Variants in ACBD7 observed in about 807,000 individuals in gnomAD.
The protein encoded by ACBD7 is acyl-CoA binding domain containing 7.
A neutral mutation model predicts 13.7 loss-of-function variants in ACBD7; 11 were observed. The observed-to-expected ratio is 0.80, with a 90% confidence interval of 0.50 to 1.33. The LOEUF is 1.33. Ranked by LOEUF, ACBD7 falls within the 40% of genes most tolerant of loss-of-function variation. The pLI, the probability that ACBD7 is intolerant of heterozygous loss-of-function variation, is 0.00. For missense variants in ACBD7, 111 were observed against 103.0 expected (o/e 1.08, Z -0.33); for synonymous variants, 43 against 37.7 (o/e 1.14, Z -0.51).
intron 1 of ACBD7, among the ~76,000 whole-genome samples, chr10:15,081,960 G>A (rs1008350874): frequency 2.6e-5 from 4 of 152,174 alleles, no homozygotes. Context: ...GAGCCAGACT[G>A]CCTTGATTGG....
intron 1 of ACBD7, 82 bp downstream of exon 1, chr10:15,088,635 G>A: frequency 1.9e-6 from 3 of 1,541,978 alleles, no homozygotes; most frequent in Admixed American, 1.9e-5. Flanking sequence ...GCTCCCAGGG[G>A]CGCCAAGCCC....
intron 1 of ACBD7, among the ~76,000 whole-genome samples, chr10:15,081,206 T>G (rs999960599): frequency 6.9e-6 from 1 of 145,474 alleles, no homozygotes; most frequent in Non-Finnish European, 1.5e-5. Flanking sequence ...AAAGAGCAAG[T>G]GCCCTCATAC....
chr10:15,083,749 C>G (rs909790966), intron 1 of ACBD7, among the ~76,000 whole-genome samples: 2 of 152,228 alleles, frequency 1.3e-5, no homozygotes, highest in Non-Finnish European at 2.9e-5. Context: ...TCCCAAAGTG[C>G]TGGGATTACA....
intron 1 of ACBD7, among the ~76,000 whole-genome samples, chr10:15,086,337 T>C (rs544444116): frequency 3.0e-4 from 46 of 151,994 alleles, no homozygotes; most frequent in African/African-American, 1.1e-3. Context: ...TCCCCCAATA[T>C]TGTTGACACG....
At chr10:15,083,429 C>T (rs1844772220) in intron 1 of ACBD7, among the ~76,000 whole-genome samples, 1 of 152,290 alleles carries the variant, frequency 6.6e-6, no homozygotes, top group Admixed American at 6.5e-5. Context: ...GATGCAGCTT[C>T]GGCCACAAAA....
chr10:15,088,758 T>C lies in ACBD7; in HGVS notation c.-30A>G. ...GCGGCTGCCGCGTTGTTGCTGCTGCTGTTGTCGTCCGGTGCTCTGCCCCCT... is the reference window on the plus strand; with the variant it reads ...GCGGCTGCCGCGTTGTTGCTGCTGCCGTTGTCGTCCGGTGCTCTGCCCCCT... On this transcript the variant is annotated 5_prime_UTR_variant, in exon 1 of 4. Transcript: ENST00000356189. 6.3e-7 allele frequency: 1 copy of C among 1,598,220 alleles called. No homozygotes were observed. The highest frequency in any genetic ancestry group is 1.1e-5 in the South Asian group (1 of 89,588).
chr10:15,080,285 T>A (rs1844735039), intron 1 of ACBD7, among the ~76,000 whole-genome samples: 1 of 152,150 alleles, frequency 6.6e-6, no homozygotes, highest in South Asian at 2.1e-4. Context: ...AAACTCTATA[T>A]ACAATGTACT....
At chr10:15,088,402 G>A (rs1844833407) in intron 1 of ACBD7, 1 of 485,812 alleles carries the variant, frequency 2.1e-6, no homozygotes, top group South Asian at 2.8e-5. Context: ...CGAAGGGGCG[G>A]GAGCGGGGGA....
chr10:15,076,615 G>A lies in ACBD7; in HGVS notation c.*1915C>T, dbSNP rs981112397. 1 of 631,826 alleles carries A rather than the reference G, an allele frequency of 1.6e-6. No homozygotes were observed. The highest frequency in any genetic ancestry group is 2.0e-5 in the African/African-American group (1 of 49,734). The allele number at this position is 631,826 out of a possible 1,614,324, so 39.1% of individuals were successfully genotyped here. On this transcript the variant is annotated 3_prime_UTR_variant, in exon 4 of 4. Coordinates refer to ENST00000356189, the MANE Select transcript of ACBD7 (RefSeq NM_001039844.3). ...TCTCCTGGGTAAAAGCAATTCTCCT[G>A]CCTCAGCCTCCCAAGTAGCTGGAAT...
At chr10:15,088,010 AG>A (rs1337836484) in intron 1 of ACBD7, among the ~76,000 whole-genome samples, 3 of 152,292 alleles carry the variant, frequency 2.0e-5, no homozygotes, top group Non-Finnish European at 4.4e-5. Flanking sequence ...GTCTCAAAAA[AG>A]AAAAATAAAA....
chr10:15,087,937 G>T (rs562964225), intron 1 of ACBD7, among the ~76,000 whole-genome samples: 72 of 152,116 alleles, frequency 4.7e-4, no homozygotes, highest in Non-Finnish European at 8.8e-4. Flanking sequence ...GCAGTGAGCA[G>T]AGGTTGCAGT....
chr10:15,078,444 G>T lies in ACBD7; in HGVS notation c.*86C>A. 1 of 1,604,238 alleles carries T rather than the reference G, an allele frequency of 6.2e-7. No homozygotes were observed. Among genetic ancestry groups the T allele is most frequent in the South Asian group, 1.1e-5 (1 of 90,464 alleles). ...AGCAAAAATATACATGATACATCAAGTTAACAGTATGCCTCTCCCTCTAAA... is the reference window on the plus strand; with the variant it reads ...AGCAAAAATATACATGATACATCAATTTAACAGTATGCCTCTCCCTCTAAA... On this transcript the variant is annotated 3_prime_UTR_variant, in exon 4 of 4. Transcript: ENST00000356189.
chr10:15,081,750 G>A (rs1207078757), intron 1 of ACBD7, among the ~76,000 whole-genome samples: 2 of 152,208 alleles, frequency 1.3e-5, no homozygotes, highest in African/African-American at 2.4e-5. Flanking sequence ...GTTGTTTTGT[G>A]AAGAGCACAA....
intron 1 of ACBD7, among the ~76,000 whole-genome samples, chr10:15,084,074 T>C (rs1844780756): frequency 6.6e-6 from 1 of 152,110 alleles, no homozygotes; most frequent in African/African-American, 2.4e-5. Context: ...AAGCCATCCC[T>C]GAGATGAGAT....
intron 1 of ACBD7, chr10:15,088,264 C>T (rs956859390): frequency 5.3e-5 from 9 of 168,428 alleles, no homozygotes; most frequent in Non-Finnish European, 8.8e-5. Flanking sequence ...TATTTGTTGT[C>T]TTTTCCAAAG....
chr10:15,081,198 A>T (rs944657465), intron 1 of ACBD7, among the ~76,000 whole-genome samples: 8 of 151,872 alleles, frequency 5.3e-5, no homozygotes, highest in African/African-American at 1.9e-4. Flanking sequence ...AAAAGCAGAA[A>T]GAGCAAGTGC....
chr10:15,085,513 T>C (rs537613214), intron 1 of ACBD7, among the ~76,000 whole-genome samples: 1 of 152,230 alleles, frequency 6.6e-6, no homozygotes, highest in South Asian at 2.1e-4. Flanking sequence ...ATTAAGAAGA[T>C]AAAAAATTCT....
chr10:15,082,867 T>A (rs1343435585), intron 1 of ACBD7, among the ~76,000 whole-genome samples: 1 of 151,836 alleles, frequency 6.6e-6, no homozygotes, highest in Non-Finnish European at 1.5e-5. Context: ...TGAAACACCG[T>A]CTCTACTAAA....
chr10:15,081,133 G>A (rs1372358304), intron 1 of ACBD7, among the ~76,000 whole-genome samples: 1 of 152,138 alleles, frequency 6.6e-6, no homozygotes, highest in Non-Finnish European at 1.5e-5. Flanking sequence ...GGCTAAACAG[G>A]CAGGCCTCCA....
Sources: allele counts gnomAD v4.1 joint callset (sites outside exome capture counted in the v4.1 genomes callset), GRCh38; gene constraint gnomAD v4.1.1; transcripts MANE v1.5; gene names NCBI Gene and HGNC (gene_info 2026-07-23, HGNC 2026-07-21).